Variants in TRABD2B observed in about 807,000 individuals in gnomAD.
TRABD2B encodes the protein metalloprotease TIKI2.
Under a neutral mutation model 40.1 loss-of-function variants are expected in TRABD2B, and 14 were observed. That is an observed-to-expected ratio of 0.35 (90% CI 0.23 to 0.55). TRABD2B has a LOEUF of 0.55. Among genes scored for constraint, TRABD2B ranks in the 20% least tolerant of loss-of-function variants. The pLI is 0.90. For missense variants in TRABD2B, 541 were observed against 648.6 expected (o/e 0.83, Z 1.80); for synonymous variants, 263 against 277.0 (o/e 0.95, Z 0.50).
At chr1:47,905,430 G>C (rs1422801226) in intron 2 of TRABD2B, among the ~76,000 whole-genome samples, 1 of 152,086 alleles carries the variant, frequency 6.6e-6, no homozygotes, top group Non-Finnish European at 1.5e-5. Flanking sequence ...ACTTATCTTT[G>C]GGCCTGTTTC....
chr1:47,873,264 C>T (rs1168487971), intron 2 of TRABD2B, among the ~76,000 whole-genome samples: 1 of 152,084 alleles, frequency 6.6e-6, no homozygotes, highest in Non-Finnish European at 1.5e-5. Flanking sequence ...AACATCTGGA[C>T]CATAGCACCT....
At chr1:47,873,658 A>G (rs1285400022) in intron 2 of TRABD2B, among the ~76,000 whole-genome samples, 1 of 152,000 alleles carries the variant, frequency 6.6e-6, no homozygotes, top group Admixed American at 6.6e-5. Context: ...CTCCCAGTGG[A>G]GAAGGTCTGA....
chr1:47,923,891 T>C (rs1644934663), intron 2 of TRABD2B, among the ~76,000 whole-genome samples: 1 of 150,392 alleles, frequency 6.6e-6, no homozygotes, highest in African/African-American at 2.5e-5. Context: ...TCTCTCTCTC[T>C]CACTCTCTAC....
chr1:47,984,534 G>A (rs553732262), intron 2 of TRABD2B, among the ~76,000 whole-genome samples: 189 of 152,354 alleles, frequency 1.2e-3, no homozygotes, highest in African/African-American at 4.3e-3. Context: ...GAGGTGGAGG[G>A]ACACCAGCAG....
At chr1:47,835,313 T>A (rs1229885400) in intron 2 of TRABD2B, among the ~76,000 whole-genome samples, 1 of 151,940 alleles carries the variant, frequency 6.6e-6, no homozygotes, top group Non-Finnish European at 1.5e-5. Context: ...TACCAACATA[T>A]GCATACTGGG....
rs557520259 is a variant in TRABD2B at position 47,987,010 on chromosome 1, G to A, written c.666+7024C>T. ...AAGAGCGTCAGCAGCCCGGCTGGCA[G>A]GCTGTGGCGCTCACGCCGGCATTCT... is the stretch of plus-strand genomic sequence containing the variant. On this transcript the variant is annotated intron_variant, in intron 2 of 6. Transcript: ENST00000606738. Among the ~76,000 whole-genome samples the A allele has an allele frequency of 5.9e-5, 9 of 152,308 alleles. No homozygotes were observed. In the South Asian group the frequency reaches 1.7e-3, roughly 28 times the overall value.
At chr1:47,973,901 C>T (rs970911089) in intron 2 of TRABD2B, among the ~76,000 whole-genome samples, 14 of 152,094 alleles carry the variant, frequency 9.2e-5, no homozygotes, top group Admixed American at 5.2e-4. Context: ...CTCCGGAGTT[C>T]GAGACCAGCC....
In TRABD2B at chr1:47,786,932, T is replaced by C. The variant is rs1263985727; in HGVS notation, c.988+7654A>G. 2.0e-5 allele frequency among the ~76,000 whole-genome samples: 3 copies of C among 152,178 alleles called. No homozygotes were observed. The South Asian group carries it at 6.2e-4, about 32-fold the overall frequency. ...ATTGCCCAGGCTGGTCTCAAACTCCTGGCTTCAGGTGATTCTCCTGCCTCA... is the reference window on the plus strand; with the variant it reads ...ATTGCCCAGGCTGGTCTCAAACTCCCGGCTTCAGGTGATTCTCCTGCCTCA... On this transcript the variant is annotated intron_variant, in intron 4 of 6. Transcript: ENST00000606738.
At position 47,963,271 on chromosome 1, in the gene TRABD2B, C is replaced by T. The variant is rs12040390; in HGVS notation, c.666+30763G>A. Among the ~76,000 whole-genome samples, 15 of 152,316 alleles carry T rather than the reference C, an allele frequency of 9.8e-5. No individual in the cohort carries two copies. In the East Asian group the frequency reaches 2.7e-3, roughly 27 times the overall value. Reference sequence around the variant, plus strand: ...ATATTCAAGACATGCATGTTGAATACAGCGACAGATGGCAGGTGACATCTG... The same window carrying T: ...ATATTCAAGACATGCATGTTGAATATAGCGACAGATGGCAGGTGACATCTG... On this transcript the variant is annotated intron_variant, in intron 2 of 6. Transcript: ENST00000606738.
At chr1:47,929,700 G>A (rs1036219357) in intron 2 of TRABD2B, among the ~76,000 whole-genome samples, 1 of 152,298 alleles carries the variant, frequency 6.6e-6, no homozygotes, top group South Asian at 2.1e-4. Flanking sequence ...CTCGGGACCT[G>A]GCAGAGTGGG....
rs540396290 is a variant in TRABD2B at position 47,897,020 on chromosome 1, A to G, written c.667-95401T>C. On this transcript the variant is annotated intron_variant, in intron 2 of 6. Coordinates refer to ENST00000606738, the MANE Select transcript of TRABD2B (RefSeq NM_001194986.2). Reference sequence around the variant, plus strand: ...CCTGCTCTCCTGGATCTCACAAGGTATTGGATGTGATAGGGTAAGATGGAC... The same window carrying G: ...CCTGCTCTCCTGGATCTCACAAGGTGTTGGATGTGATAGGGTAAGATGGAC... Among the ~76,000 whole-genome samples the G allele has an allele frequency of 5.9e-4, 90 of 152,292 alleles. 3 individuals are homozygous for G. In the South Asian group the frequency reaches 0.018, roughly 31 times the overall value.
intron 2 of TRABD2B, among the ~76,000 whole-genome samples, chr1:47,924,250 G>A (rs1169934985): frequency 6.6e-6 from 1 of 152,156 alleles, no homozygotes; most frequent in African/African-American, 2.4e-5. Flanking sequence ...TCCAGGAACT[G>A]GACTCAGAAG....
rs921393517 is a variant in TRABD2B at position 47,933,115 on chromosome 1, T to C, written c.666+60919A>G. ...AGCCCCCATCTCCTGTCATTTTTTT[T>C]TTTTTTTTGAGACGCAGTCTCACTT... On this transcript the variant is annotated intron_variant, in intron 2 of 6. Coordinates refer to ENST00000606738, the MANE Select transcript of TRABD2B (RefSeq NM_001194986.2). 7.0e-3 allele frequency among the ~76,000 whole-genome samples: 1,063 copies of C among 151,958 alleles called. 10 individuals are homozygous for C. Among genetic ancestry groups the C allele is most frequent in the Middle Eastern group, 0.017 (5 of 294 alleles).
chr1:47,919,930 T>C (rs2124731370), intron 2 of TRABD2B, among the ~76,000 whole-genome samples: 1 of 152,318 alleles, frequency 6.6e-6, no homozygotes, highest in South Asian at 2.1e-4. Flanking sequence ...GATGTCGCAC[T>C]GAGCATTAGT....
intron 6 of TRABD2B, among the ~76,000 whole-genome samples, chr1:47,772,033 CA>C (rs1644383949): frequency 6.6e-6 from 1 of 151,966 alleles, no homozygotes; most frequent in Non-Finnish European, 1.5e-5. Flanking sequence ...TGTGTCAGGA[CA>C]GGGGCACCCA....
In TRABD2B at chr1:47,813,368, G is replaced by C. The variant is rs909245349; in HGVS notation, c.667-11749C>G. On this transcript the variant is annotated intron_variant, in intron 2 of 6. Transcript: ENST00000606738. The surrounding 1 kb of genome is among the most constrained non-coding windows in gnomAD (Gnocchi z 4.3). ...CTCCAGGTGGCCAGGGATGGAAGGAGAGGAGTTGAGTCTGGGAGTGCTCAA... is the reference window on the plus strand; with the variant it reads ...CTCCAGGTGGCCAGGGATGGAAGGACAGGAGTTGAGTCTGGGAGTGCTCAA... 6.6e-6 allele frequency among the ~76,000 whole-genome samples: 1 copy of C among 152,168 alleles called. No homozygotes were observed. Among genetic ancestry groups the C allele is most frequent in the Non-Finnish European group, 1.5e-5 (1 of 68,038 alleles).
chr1:47,952,184 C>T (rs868510818), intron 2 of TRABD2B, among the ~76,000 whole-genome samples: 1 of 152,214 alleles, frequency 6.6e-6, no homozygotes, highest in African/African-American at 2.4e-5. Context: ...GTCTGAGGCC[C>T]CCTCCATGTC....
In TRABD2B at chr1:47,993,893, C is replaced by T. The variant is rs146081547; in HGVS notation, c.666+141G>A. The T allele has an allele frequency of 8.3e-6, 7 of 841,544 alleles. No individual in the cohort carries two copies. The East Asian group carries it at 1.9e-4, about 22-fold the overall frequency. 52.1% of individuals were successfully genotyped at this position (841,544 alleles called of 1,614,324 possible). On this transcript the variant is annotated intron_variant, in intron 2 of 6. Transcript: ENST00000606738. ...ACCAGAGCAGCCAGGTGCTGCCTCGCTGCCCAGCAGAACCTCTCCTTCCAG... is the reference window on the plus strand; with the variant it reads ...ACCAGAGCAGCCAGGTGCTGCCTCGTTGCCCAGCAGAACCTCTCCTTCCAG...
chr1:47,835,944 T>G (rs1349821135), intron 2 of TRABD2B, among the ~76,000 whole-genome samples: 6 of 152,248 alleles, frequency 3.9e-5, no homozygotes, highest in African/African-American at 1.4e-4. Flanking sequence ...TTTTTTCCAC[T>G]GTCTGATTTA....
Sources: gnomAD v4.1 joint callset for allele counts (sites outside exome capture counted in the v4.1 genomes callset) on GRCh38, gnomAD v4.1.1 for gene constraint, Gnocchi (gnomAD v3.1) non-coding constraint, MANE v1.5 for transcripts, NCBI Gene and HGNC (gene_info 2026-07-23, HGNC 2026-07-21) for gene names.